RRP1B: variants seen among roughly 807,000 people sequenced by gnomAD.
RRP1B encodes the protein ribosomal RNA processing 1B.
In RRP1B, 56 loss-of-function variants were observed where a neutral mutation model predicts 80.2. The observed-to-expected ratio is 0.70, with a 90% confidence interval of 0.56 to 0.87. The LOEUF (loss-of-function observed/expected upper bound fraction) is 0.87, where lower values mean the gene tolerates loss of function less well. RRP1B is among the 40% of genes least tolerant of loss of function. The pLI is 0.00. For synonymous variants in RRP1B, 351 were observed against 357.6 expected (o/e 0.98, Z 0.21); for missense variants, 807 against 939.8 (o/e 0.86, Z 1.85).
intron 3 of RRP1B, among the ~76,000 whole-genome samples, chr21:43,673,653 AAGT>A (rs1411289751): frequency 6.6e-5 from 10 of 151,120 alleles, no homozygotes; most frequent in African/African-American, 2.5e-4. Flanking sequence ...AAAAAAAAAA[AAGT>A]AAAAGATCTG....
rs1448998602 is a variant in RRP1B at position 43,659,835 on chromosome 21, CG to C, written c.130+46del. 20 of 1,477,214 alleles carry C rather than the reference CG, an allele frequency of 1.4e-5. No individual in the cohort carries two copies. Among genetic ancestry groups the C allele is most frequent in the East Asian group, 8.5e-5 (3 of 35,284 alleles). 91.5% of individuals were successfully genotyped at this position (1,477,214 alleles called of 1,614,324 possible). A position where few individuals can be genotyped will look rare whatever the true frequency, so the allele number is the denominator to read the frequency against. On this transcript the variant is annotated intron_variant, in intron 1 of 15. Coordinates refer to ENST00000340648, the MANE Select transcript of RRP1B (RefSeq NM_015056.3). This position sits in a 1 kb window ranked among gnomAD's most constrained non-coding sequence, Gnocchi z 4.2. Reference sequence around the variant, plus strand: ...CGGTCAGCCGCGCCACATGGCGGGCCGGGGGCCGGGGCTGGGGCTAGGGCCA... The same window carrying C: ...CGGTCAGCCGCGCCACATGGCGGGCCGGGGCCGGGGCTGGGGCTAGGGCCA...
chr21:43,679,229 TC>T (rs200909879), intron 8 of RRP1B, among the ~76,000 whole-genome samples: 54 of 136,026 alleles, frequency 4.0e-4, no homozygotes, highest in African/African-American at 1.8e-3. Flanking sequence ...TTTTTGTGTG[TC>T]TTTTTTTTTT....
At chr21:43,692,906 C>T (rs549006079) in intron 15 of RRP1B, among the ~76,000 whole-genome samples, 1 of 152,292 alleles carries the variant, frequency 6.6e-6, no homozygotes, top group South Asian at 2.1e-4. Flanking sequence ...ACCCCCACCC[C>T]CAATGTTCAC....
chr21:43,683,445 A>C, intron 9 of RRP1B, 72 bp downstream of exon 9: 1 of 1,201,470 alleles, frequency 8.3e-7, no homozygotes, highest in Non-Finnish European at 1.2e-6. Context: ...AATTAGGGTC[A>C]CAGCTAGTTA....
At chr21:43,681,669 TGGC>T (rs541120581) in intron 8 of RRP1B, among the ~76,000 whole-genome samples, 271 of 151,854 alleles carry the variant, frequency 1.8e-3, no homozygotes, top group Non-Finnish European at 3.1e-3. Context: ...AAAAATACTC[TGGC>T]CAGGCACGGT....
At position 43,659,860 on chromosome 21, in the gene RRP1B, C is replaced by T. The variant is rs1401510019; in HGVS notation, c.130+66C>T. On this transcript the variant is annotated intron_variant, in intron 1 of 15. Coordinates refer to ENST00000340648, the MANE Select transcript of RRP1B (RefSeq NM_015056.3). The surrounding 1 kb of genome is among the most constrained non-coding windows in gnomAD (Gnocchi z 4.2). ...CGGGGGCCGGGGCTGGGGCTAGGGC[C>T]AGGGCCCCGGCACGGAATGCGGCTT... 11 of 1,397,976 alleles carry T rather than the reference C, an allele frequency of 7.9e-6. No individual in the cohort carries two copies. The highest frequency in any genetic ancestry group is 3.0e-5 in the African/African-American group (2 of 65,736). 86.6% of individuals were successfully genotyped at this position (1,397,976 alleles called of 1,614,324 possible).
rs2083105578 is a variant in RRP1B, at chr21:43,695,990, G to A, written c.*2607G>A. On this transcript the variant is annotated 3_prime_UTR_variant, in exon 16 of 16. Coordinates refer to ENST00000340648, the MANE Select transcript of RRP1B (RefSeq NM_015056.3). ...GCTGGACTATGCTGGCAAGGACTTT[G>A]TTTACGATCAAATTGTACTAGTGTC... 2 of 152,058 alleles carry A rather than the reference G, an allele frequency of 1.3e-5. No homozygotes were observed. The highest frequency in any genetic ancestry group is 3.8e-4 in the East Asian group (2 of 5,202). The allele number at this position is 152,058 out of a possible 1,614,324, so 9.4% of individuals were successfully genotyped here. A position where few individuals can be genotyped will look rare whatever the true frequency, so the allele number is the denominator to read the frequency against.
chr21:43,690,548 T>A, intron 14 of RRP1B, 108 bp downstream of exon 14: 1 of 1,289,762 alleles, frequency 7.8e-7, no homozygotes, highest in Non-Finnish European at 1.1e-6. Context: ...TGTGGCCCTC[T>A]GAGCCTGTCC....
chr21:43,684,788 A>G, intron 10 of RRP1B, 138 bp downstream of exon 10: 1 of 676,998 alleles, frequency 1.5e-6, no homozygotes, highest in Admixed American at 2.6e-5. Flanking sequence ...TAGCAATGTA[A>G]TAGACACATG....
At chr21:43,674,725 G>A (rs373977206) in intron 5 of RRP1B, 28 bp downstream of exon 5, 1 of 1,578,400 alleles carries the variant, frequency 6.3e-7, no homozygotes, top group Non-Finnish European at 8.6e-7. Context: ...GTTAGCATGT[G>A]GTAGCCTTAA....
intron 13 of RRP1B, among the ~76,000 whole-genome samples, chr21:43,689,334 T>C (rs2083077118): frequency 6.6e-6 from 1 of 152,264 alleles, no homozygotes; most frequent in Non-Finnish European, 1.5e-5. Context: ...ATGACATCTC[T>C]TGTTTAAGTG....
intron 2 of RRP1B, among the ~76,000 whole-genome samples, chr21:43,670,845 C>T (rs989791663): frequency 3.7e-4 from 56 of 152,194 alleles, no homozygotes; most frequent in African/African-American, 1.2e-3. Flanking sequence ...GACAGGTCCT[C>T]AGGGCAAGAT....
intron 1 of RRP1B, among the ~76,000 whole-genome samples, chr21:43,665,910 A>G (rs1197567343): frequency 6.6e-6 from 1 of 152,224 alleles, no homozygotes; most frequent in East Asian, 1.9e-4. Flanking sequence ...CAACAGACTA[A>G]GACAGTGATG....
intron 15 of RRP1B, among the ~76,000 whole-genome samples, chr21:43,692,184 C>G (rs539172745): frequency 2.6e-5 from 4 of 152,250 alleles, no homozygotes; most frequent in Non-Finnish European, 4.4e-5. Flanking sequence ...CTGTAGCTGT[C>G]TCTCTGCGAA....
At chr21:43,685,350 G>A (rs963950613) in intron 10 of RRP1B, among the ~76,000 whole-genome samples, 2 of 152,158 alleles carry the variant, frequency 1.3e-5, no homozygotes, top group Admixed American at 6.5e-5. Flanking sequence ...GCTTCGATGC[G>A]TCTTGTTTGT....
chr21:43,690,452 C>G lies in RRP1B; in HGVS notation c.2019+12C>G. Reference sequence around the variant, plus strand: ...GCCCTGCCGTCCAGGTACGCACCCTCCCCAGAGTGGCACAGCACATTTCAC... The same window carrying G: ...GCCCTGCCGTCCAGGTACGCACCCTGCCCAGAGTGGCACAGCACATTTCAC... On this transcript the variant is annotated intron_variant, in intron 14 of 15. Transcript: ENST00000340648. 1 of 1,613,106 alleles carries G rather than the reference C, an allele frequency of 6.2e-7. No homozygotes were observed. The highest frequency in any genetic ancestry group is 1.1e-5 in the South Asian group (1 of 90,938).
chr21:43,669,454 C>CTCGGAA (rs906668387), intron 1 of RRP1B, among the ~76,000 whole-genome samples: 2 of 152,168 alleles, frequency 1.3e-5, no homozygotes, highest in African/African-American at 4.8e-5. Flanking sequence ...TGGGGCTGCC[C>CTCGGAA]GTTGCTGGGG....
intron 8 of RRP1B, among the ~76,000 whole-genome samples, chr21:43,679,216 G>GTTTTTTTT (rs2083033905): frequency 1.4e-5 from 2 of 147,848 alleles, no homozygotes; most frequent in African/African-American, 5.2e-5. Context: ...AGGGTTTTTT[G>GTTTTTTTT]TTTTTTTGTG....
intron 3 of RRP1B, 30 bp downstream of exon 3, chr21:43,672,395 C>T: frequency 1.3e-6 from 2 of 1,592,920 alleles, no homozygotes; most frequent in Non-Finnish European, 1.7e-6. Context: ...CTCCTTCCTT[C>T]CAAGTTTTCC....
Sources: gnomAD v4.1 joint callset for allele counts (sites outside exome capture counted in the v4.1 genomes callset) on GRCh38, gnomAD v4.1.1 for gene constraint, Gnocchi (gnomAD v3.1) non-coding constraint, MANE v1.5 for transcripts, NCBI Gene and HGNC (gene_info 2026-07-23, HGNC 2026-07-21) for gene names.